MEGF6: variants seen among roughly 807,000 people sequenced by gnomAD.
MEGF6 encodes the protein multiple epidermal growth factor-like domains protein 6.
A neutral mutation model predicts 207.1 loss-of-function variants in MEGF6; 184 were observed. The observed-to-expected ratio is 0.89, with a 90% confidence interval of 0.79 to 1.00. The LOEUF (loss-of-function observed/expected upper bound fraction) is 1.00, where lower values mean the gene tolerates loss of function less well. MEGF6 is among the 50% of genes least tolerant of loss of function. MEGF6 has a pLI of 0.00. For synonymous variants in MEGF6, 1,038 were observed against 910.0 expected, an observed-to-expected ratio of 1.14 and a Z score of -2.53; for missense variants, 2,282 against 2,202.9, an observed-to-expected ratio of 1.04 and a Z score of -0.72.
intron 2 of MEGF6, among the ~76,000 whole-genome samples, chr1:3,595,667 C>A (rs770393317): frequency 2.0e-5 from 3 of 152,184 alleles, no homozygotes; most frequent in Middle Eastern, 3.2e-3. Context: ...CTGGAGCCAG[C>A]GACAGTGGCC....
chr1:3,613,768 T>C (rs1644355395), upstream of MEGF6, among the ~76,000 whole-genome samples: 1 of 152,164 alleles, frequency 6.6e-6, no homozygotes, highest in East Asian at 1.9e-4. Flanking sequence ...CGTGTATGCA[T>C]TTCTAGGGCC....
chr1:3,500,506 G>T, intron 21 of MEGF6, 127 bp downstream of exon 21: 1 of 1,362,462 alleles, frequency 7.3e-7, no homozygotes, highest in Non-Finnish European at 9.7e-7. Context: ...AGGGGGCGCG[G>T]CCAAAGGCTT....
intron 3 of MEGF6, among the ~76,000 whole-genome samples, chr1:3,593,085 C>T (rs1224022947): frequency 1.3e-5 from 2 of 152,220 alleles, no homozygotes; most frequent in Non-Finnish European, 2.9e-5. Flanking sequence ...ATGCAGATGG[C>T]GGCCTAGTGC....
At chr1:3,507,646 G>A (rs1641164166) in intron 14 of MEGF6, 149 bp downstream of exon 14, 1 of 977,736 alleles carries the variant, frequency 1.0e-6, no homozygotes, top group Non-Finnish European at 1.6e-6. Context: ...CAGGGAGGCA[G>A]GAAGGAAAGG....
chr1:3,547,749 G>A (rs565603867), intron 4 of MEGF6, among the ~76,000 whole-genome samples: 4 of 152,290 alleles, frequency 2.6e-5, no homozygotes, highest in African/African-American at 7.2e-5. Context: ...GCCCTAGCCC[G>A]CCCTCCGTCT....
chr1:3,545,129 C>T (rs1397645170), intron 4 of MEGF6, among the ~76,000 whole-genome samples: 2 of 152,158 alleles, frequency 1.3e-5, no homozygotes, highest in Non-Finnish European at 2.9e-5. Context: ...GTTTCAGGGG[C>T]CGGGGAAGGT....
intron 4 of MEGF6, among the ~76,000 whole-genome samples, chr1:3,564,151 G>A (rs74048623): frequency 0.018 from 2,678 of 149,348 alleles, 96 homozygotes; most frequent in African/African-American, 0.064. Context: ...TTTATAGGGC[G>A]AGGAACTGGG....
intron 1 of MEGF6, among the ~76,000 whole-genome samples, chr1:3,607,473 G>A (rs1457215223): frequency 1.3e-5 from 2 of 152,202 alleles, no homozygotes; most frequent in African/African-American, 4.8e-5. Flanking sequence ...CAAGGAGGGG[G>A]TGAGTGTGGG....
intron 4 of MEGF6, among the ~76,000 whole-genome samples, chr1:3,545,964 G>A (rs980697483): frequency 1.3e-5 from 2 of 152,006 alleles, no homozygotes; most frequent in East Asian, 1.9e-4. Context: ...CAAACGGCTC[G>A]CAGCTGGACA....
intron 4 of MEGF6, among the ~76,000 whole-genome samples, chr1:3,541,293 C>T (rs556143969): frequency 1.6e-4 from 25 of 152,294 alleles, no homozygotes; most frequent in South Asian, 4.1e-4. Flanking sequence ...CGGAGGCTTT[C>T]GGCCACCATG....
At chr1:3,595,568 C>G in intron 2 of MEGF6, 121 bp from the exon 3 acceptor site, 1 of 786,426 alleles carries the variant, frequency 1.3e-6, no homozygotes, top group South Asian at 1.7e-5. Flanking sequence ...CAGGCTGCAG[C>G]ACCAAGGTTC....
chr1:3,561,762 G>A (rs558263859), intron 4 of MEGF6, among the ~76,000 whole-genome samples: 93 of 152,380 alleles, frequency 6.1e-4, no homozygotes, highest in African/African-American at 2.2e-3. Context: ...AGCCTGTCCT[G>A]CCAGGCCATC....
In MEGF6 at chr1:3,506,149, C is replaced by G; in HGVS notation, c.1877G>C (p.Cys626Ser). The change falls in exon 15 of 37, where the codon TGC becomes TCC. Residue 626 changes from cysteine (C) to serine (S), a missense_variant. Transcript: ENST00000356575. ...RGRCHRLYGA[C>S]LCDPGLYGRF... ...GCCGTAGAGCCCTGGGTCGCAGAGG[C>G]AGGCCCCGTAGAGGCGGTGGCACCG... The G allele has an allele frequency of 6.3e-7, 1 of 1,597,932 alleles. No individual in the cohort carries two copies. The highest frequency in any genetic ancestry group is 8.5e-7 in the Non-Finnish European group (1 of 1,172,920).
intron 5 of MEGF6, among the ~76,000 whole-genome samples, chr1:3,522,920 C>T (rs1373593167): frequency 6.6e-6 from 1 of 152,210 alleles, no homozygotes; most frequent in African/African-American, 2.4e-5. Context: ...CTCCCAGAAG[C>T]CCCGCAGGGC....
At chr1:3,607,300 G>A (rs1402091341) in intron 1 of MEGF6, among the ~76,000 whole-genome samples, 1 of 151,614 alleles carries the variant, frequency 6.6e-6, no homozygotes, top group Non-Finnish European at 1.5e-5. Context: ...TGCCCGCCTG[G>A]TGCGCCCTAT....
intron 4 of MEGF6, among the ~76,000 whole-genome samples, chr1:3,524,753 G>A (rs1641897110): frequency 6.6e-6 from 1 of 152,200 alleles, no homozygotes; most frequent in Admixed American, 6.5e-5. Context: ...GCCTTCCAGT[G>A]AGGCCTTGTC....
At position 3,490,568 on chromosome 1, in the gene MEGF6, C is replaced by A; in HGVS notation, c.4586G>T (p.Ser1529Ile). ...TCCACCGCTCCGGGATGTGGGTCTG[C>A]TGGAGGCGGGCAGTGTGCCCGCTGG... ...QGSAGTLPAS[S>I]RPTSRSGGPA... Residue 1529 changes from serine (S) to isoleucine (I), a missense_variant, in exon 37 of 37, where the codon AGC becomes ATC. Physicochemically the swap from Ser to Ile is moderately radical, Grantham distance 142 (BLOSUM62 -2). Transcript: ENST00000356575. The A allele has an allele frequency of 6.2e-7, 1 of 1,613,418 alleles. No individual in the cohort carries two copies. Among genetic ancestry groups the A allele is most frequent in the South Asian group, 1.1e-5 (1 of 91,074 alleles).
chr1:3,605,306 TCA>T (rs2101893867), intron 1 of MEGF6, among the ~76,000 whole-genome samples: 1 of 151,628 alleles, frequency 6.6e-6, no homozygotes, highest in Non-Finnish European at 1.5e-5. Flanking sequence ...TCACACACAT[TCA>T]CATTCATATG....
At chr1:3,624,124 C>T in the MEGF6 span, among the ~76,000 whole-genome samples, 1 of 152,222 alleles carries the variant, frequency 6.6e-6, no homozygotes. Flanking sequence ...CTGTGTGCAC[C>T]TCGCCTCGTG....
Sources: gnomAD v4.1 joint callset for allele counts (sites outside exome capture counted in the v4.1 genomes callset) on GRCh38, gnomAD v4.1.1 for gene constraint, MANE v1.5 for transcripts, NCBI Gene and HGNC (gene_info 2026-07-23, HGNC 2026-07-21) for gene names.